RBFOX1: variants seen among roughly 807,000 people sequenced by gnomAD.
RBFOX1 encodes the protein RNA binding fox-1 homolog 1.
In RBFOX1, 8 loss-of-function variants were observed where a neutral mutation model predicts 57.7. That is an observed-to-expected ratio of 0.14 (90% CI 0.08 to 0.25). The LOEUF (loss-of-function observed/expected upper bound fraction) is 0.25. Ranked by LOEUF, RBFOX1 falls within the 10% of genes least tolerant of loss-of-function variation. The pLI, the probability that RBFOX1 is intolerant of heterozygous loss-of-function variation, is 1.00. For missense variants in RBFOX1, 611 were observed against 548.5 expected (o/e 1.11, Z -1.14); for synonymous variants, 326 against 222.4 (o/e 1.47, Z -4.15).
intron 15 of RBFOX1, 66 bp downstream of exon 15, chr16:7,709,197 T>C: frequency 1.4e-6 from 2 of 1,442,212 alleles, no homozygotes; most frequent in Non-Finnish European, 1.9e-6. Context: ...AGCTGGGACC[T>C]CAGTACGGGT....
At chr16:6,808,027 C>T (rs1049498572) in intron 3 of RBFOX1, among the ~76,000 whole-genome samples, 1 of 148,980 alleles carries the variant, frequency 6.7e-6, no homozygotes, top group African/African-American at 2.5e-5. Flanking sequence ...CAAATTATAC[C>T]TTGTGTATAT....
chr16:6,348,418 C>T lies in RBFOX1; in HGVS notation c.-64+31361C>T, dbSNP rs140150761. Among the ~76,000 whole-genome samples the T allele has an allele frequency of 2.0e-5, 3 of 152,290 alleles. No homozygotes were observed. The East Asian group carries it at 5.8e-4, about 29-fold the overall frequency. ...TGGCATTTCTATGGCAAATGCTGCC[C>T]TTACGTCAGGGGAAATCTCTTTGCC... is the stretch of plus-strand genomic sequence containing the variant. On this transcript the variant is annotated intron_variant, in intron 2 of 15. Coordinates refer to ENST00000550418, the MANE Select transcript of RBFOX1 (RefSeq NM_018723.4).
intron 1 of RBFOX1, among the ~76,000 whole-genome samples, chr16:5,303,273 C>T (rs1020375933): frequency 2.0e-5 from 3 of 152,158 alleles, no homozygotes; most frequent in Non-Finnish European, 2.9e-5. Context: ...TGGATATTAT[C>T]CCTATTCTCC....
chr16:7,571,841 A>G (rs2092807869), intron 5 of RBFOX1, among the ~76,000 whole-genome samples: 1 of 152,146 alleles, frequency 6.6e-6, no homozygotes, highest in East Asian at 1.9e-4. Flanking sequence ...AATAAAACAA[A>G]AGCTAGGCCC....
intron 3 of RBFOX1, among the ~76,000 whole-genome samples, chr16:6,829,204 C>G (rs1169910476): frequency 1.4e-5 from 2 of 141,372 alleles, no homozygotes; most frequent in Non-Finnish European, 3.1e-5. Context: ...TCATTTGACC[C>G]AAAAGAAAAG....
At chr16:6,641,970 AG>A (rs904567280) in intron 2 of RBFOX1, among the ~76,000 whole-genome samples, 6 of 152,108 alleles carry the variant, frequency 3.9e-5, no homozygotes. Flanking sequence ...AATTATTCAC[AG>A]GAACCCGTCA....
At chr16:5,737,459 G>A (rs8047575) in intron 3 of RBFOX1, among the ~76,000 whole-genome samples, 16 of 151,518 alleles carry the variant, frequency 1.1e-4, no homozygotes, top group East Asian at 1.9e-4. Context: ...ACACTGCAGC[G>A]TGGGCAACAG....
intron 1 of RBFOX1, among the ~76,000 whole-genome samples, chr16:6,220,158 G>GTA (rs1403263076): frequency 6.6e-6 from 1 of 151,830 alleles, no homozygotes; most frequent in Non-Finnish European, 1.5e-5. Flanking sequence ...GTATCTATAT[G>GTA]TGTGTGTATA....
At chr16:5,688,861 C>G (rs1333750748) in intron 3 of RBFOX1, among the ~76,000 whole-genome samples, 3 of 152,162 alleles carry the variant, frequency 2.0e-5, no homozygotes, top group Non-Finnish European at 4.4e-5. Flanking sequence ...TGCCAGGACT[C>G]TCTTCTACTG....
intron 3 of RBFOX1, among the ~76,000 whole-genome samples, chr16:5,850,157 T>C (rs1296541500): frequency 6.6e-6 from 1 of 152,136 alleles, no homozygotes; most frequent in Non-Finnish European, 1.5e-5. Context: ...AACTTCCAAT[T>C]AACTGGTTAA....
At chr16:6,721,404 C>T (rs1290392237) in intron 3 of RBFOX1, among the ~76,000 whole-genome samples, 1 of 152,210 alleles carries the variant, frequency 6.6e-6, no homozygotes, top group Non-Finnish European at 1.5e-5. Context: ...GATCATGCCA[C>T]TGCACTCCAG....
At chr16:6,578,280 G>A (rs918074884) in intron 2 of RBFOX1, among the ~76,000 whole-genome samples, 4 of 152,098 alleles carry the variant, frequency 2.6e-5, no homozygotes, top group African/African-American at 9.7e-5. Flanking sequence ...TAAGAATCTT[G>A]GCCTAAAATG....
intron 3 of RBFOX1, among the ~76,000 whole-genome samples, chr16:5,765,661 A>G (rs2053751626): frequency 1.3e-5 from 2 of 152,132 alleles, no homozygotes; most frequent in Admixed American, 1.3e-4. Context: ...TTGCAATTCA[A>G]CCGAAAATGG....
chr16:7,577,225 C>A (rs987094805), intron 5 of RBFOX1, among the ~76,000 whole-genome samples: 5 of 152,194 alleles, frequency 3.3e-5, no homozygotes, highest in Non-Finnish European at 7.3e-5. Flanking sequence ...ATACCACACT[C>A]CTGCTGTGAC....
chr16:7,412,260 C>T (rs781034569), intron 4 of RBFOX1, among the ~76,000 whole-genome samples: 5 of 151,546 alleles, frequency 3.3e-5, no homozygotes, highest in Admixed American at 3.3e-4. Flanking sequence ...ACTAAAAATA[C>T]AAAAATTAGC....
intron 3 of RBFOX1, among the ~76,000 whole-genome samples, chr16:6,730,518 C>G (rs1188294815): frequency 6.6e-6 from 1 of 152,154 alleles, no homozygotes; most frequent in Non-Finnish European, 1.5e-5. Flanking sequence ...ATCTACCTGT[C>G]TACCTAATCT....
At chr16:5,244,784 C>T (rs1236083026) in intron 1 of RBFOX1, among the ~76,000 whole-genome samples, 2 of 152,186 alleles carry the variant, frequency 1.3e-5, no homozygotes, top group Admixed American at 6.5e-5. Flanking sequence ...GGTTGGTGGA[C>T]GGTCCTTTGA....
chr16:5,658,597 G>C (rs1013887771), intron 3 of RBFOX1, among the ~76,000 whole-genome samples: 1 of 151,998 alleles, frequency 6.6e-6, no homozygotes, highest in Non-Finnish European at 1.5e-5. Flanking sequence ...TAAGTGAGAA[G>C]ATACTATGTT....
intron 4 of RBFOX1, among the ~76,000 whole-genome samples, chr16:7,144,534 C>A (rs969010327): frequency 6.9e-6 from 1 of 145,670 alleles, no homozygotes; most frequent in Non-Finnish European, 1.5e-5. Flanking sequence ...AAGCGATGTT[C>A]CTGCCTCAGC....
Sources: gnomAD v4.1 joint callset for allele counts (sites outside exome capture counted in the v4.1 genomes callset) on GRCh38, gnomAD v4.1.1 for gene constraint, MANE v1.5 for transcripts, NCBI Gene and HGNC (gene_info 2026-07-23, HGNC 2026-07-21) for gene names.